The following CGRRF1 variants were observed in gnomAD, a reference collection of about 807,000 sequenced individuals.
The protein encoded by CGRRF1 is cell growth regulator with RING finger domain protein 1.
CGRRF1 carries 32 observed loss-of-function variants against 37.2 expected under a neutral mutation model. That is an observed-to-expected ratio of 0.86 (90% confidence interval 0.65 to 1.16). CGRRF1 has a LOEUF of 1.16. Among genes scored for constraint, CGRRF1 ranks in the 50% most tolerant of loss-of-function variants. CGRRF1 has a pLI of 0.00. For missense variants in CGRRF1, 391 were observed against 382.6 expected (o/e 1.02, Z -0.18); for synonymous variants, 141 against 140.3 (o/e 1.00, Z -0.04).
At position 54,512,109 on chromosome 14, in the gene CGRRF1, C is replaced by T. The variant is rs112447941; in HGVS notation, c.104+2046C>T. Among the ~76,000 whole-genome samples, 372 of 152,286 alleles carry T rather than the reference C, an allele frequency of 2.4e-3. 1 individual carries two copies. Among genetic ancestry groups the T allele is most frequent in the African/African-American group, 6.1e-3 (253 of 41,560 alleles). On this transcript the variant is annotated intron_variant, in intron 1 of 5. Transcript: ENST00000216420. ...AGTCAGAAGGGTAAACTAGTTAATACGCATGTTTTTCACCCTTGTCATTGT... is the reference window on the plus strand; with the variant it reads ...AGTCAGAAGGGTAAACTAGTTAATATGCATGTTTTTCACCCTTGTCATTGT...
chr14:54,511,929 C>T (rs972807395), intron 1 of CGRRF1, among the ~76,000 whole-genome samples: 2 of 152,198 alleles, frequency 1.3e-5, no homozygotes, highest in African/African-American at 4.8e-5. Flanking sequence ...CCATTCTCTC[C>T]ATCCGAGTTA....
At chr14:54,529,938 C>T (rs1303189926) in intron 2 of CGRRF1, 111 bp from the exon 3 acceptor site, 5 of 765,658 alleles carry the variant, frequency 6.5e-6, no homozygotes, top group Non-Finnish European at 1.0e-5. Context: ...GTTCTTTTAA[C>T]TGCCATCATC....
chr14:54,538,162 TC>T lies in CGRRF1; in HGVS notation c.779del (p.Ser260LeufsTer23). ...DRSLLEKVGL[S>X]ESEVEPSEEN... ...AAGTTTGTTGGAAAAGGTGGGACTC[TC>T]TGAAAGTGAAGTTGAGCCATCGGAA... On this transcript the variant is annotated frameshift_variant, in exon 6 of 6. Coordinates refer to ENST00000216420, the MANE Select transcript of CGRRF1 (RefSeq NM_006568.3). LOFTEE classifies it high-confidence loss of function. 6.2e-7 allele frequency: 1 copy of T among 1,614,190 alleles called. No individual in the cohort carries two copies. The highest frequency in any genetic ancestry group is 1.1e-5 in the South Asian group (1 of 91,080).
intron 4 of CGRRF1, 91 bp from the exon 5 acceptor site, chr14:54,537,631 G>A: frequency 8.1e-7 from 1 of 1,229,796 alleles, no homozygotes; most frequent in Non-Finnish European, 1.0e-6. Flanking sequence ...GCAGAAGACA[G>A]TGTCTAGAAG....
intron 1 of CGRRF1, among the ~76,000 whole-genome samples, chr14:54,520,565 T>C (rs2032299270): frequency 6.6e-6 from 1 of 152,250 alleles, no homozygotes; most frequent in South Asian, 2.1e-4. Context: ...GTCCTACTCC[T>C]GTACTTCCGG....
chr14:54,526,910 CAAG>C (rs1053089545), intron 2 of CGRRF1, among the ~76,000 whole-genome samples: 4 of 152,178 alleles, frequency 2.6e-5, no homozygotes, highest in African/African-American at 9.6e-5. Flanking sequence ...GATCCTTCCT[CAAG>C]AAGGTTTGTG....
chr14:54,520,259 C>A (rs959910269), intron 1 of CGRRF1, among the ~76,000 whole-genome samples: 2 of 152,048 alleles, frequency 1.3e-5, no homozygotes, highest in African/African-American at 4.8e-5. Flanking sequence ...CAGGCGCCCA[C>A]CACCACGCCT....
In CGRRF1 at chr14:54,530,041, T is replaced by C. The variant is rs2032482117; in HGVS notation, c.245-8T>C. ...TCACTTTCATTCTTTCTCCTTTGTT[T>C]TTTACAGCTGGCATAACCTTGACAA... On this transcript the variant is annotated splice_polypyrimidine_tract_variant and splice_region_variant and intron_variant, in intron 2 of 5. Coordinates refer to ENST00000216420, the MANE Select transcript of CGRRF1 (RefSeq NM_006568.3). 5 of 1,597,930 alleles carry C rather than the reference T, an allele frequency of 3.1e-6. No individual in the cohort carries two copies. In the South Asian group the frequency reaches 5.5e-5, roughly 18 times the overall value.
rs577773314 is a variant in CGRRF1 at position 54,537,710 on chromosome 14, T to C, written c.571-12T>C. On this transcript the variant is annotated splice_polypyrimidine_tract_variant and intron_variant, in intron 4 of 5. Transcript: ENST00000216420. ...ATTTTAAGTACTGACCAGTGTTCAA[T>C]TTTTATTTTAGATTTCCATGGTGTC... is the stretch of plus-strand genomic sequence containing the variant. 279 of 1,544,904 alleles carry C rather than the reference T, an allele frequency of 1.8e-4. 2 individuals carry two copies. The highest frequency in any genetic ancestry group is 3.0e-4 in the East Asian group (13 of 42,698).
intron 2 of CGRRF1, among the ~76,000 whole-genome samples, chr14:54,526,640 C>T (rs751580466): frequency 3.3e-5 from 5 of 152,066 alleles, no homozygotes; most frequent in Non-Finnish European, 5.9e-5. Flanking sequence ...GTTAGATACT[C>T]AGTGTATATA....
intron 1 of CGRRF1, 96 bp downstream of exon 1, chr14:54,510,159 C>T: frequency 4.7e-6 from 4 of 848,740 alleles, no homozygotes; most frequent in Non-Finnish European, 7.7e-6. Context: ...GGCCGCGGGC[C>T]GGAGGACGTC....
At chr14:54,517,797 C>G (rs2032242692) in intron 1 of CGRRF1, among the ~76,000 whole-genome samples, 1 of 152,136 alleles carries the variant, frequency 6.6e-6, no homozygotes, top group Non-Finnish European at 1.5e-5. Context: ...CTGATGGGCC[C>G]CAGTCTGTGT....
chr14:54,528,251 C>T (rs899346449), intron 2 of CGRRF1, among the ~76,000 whole-genome samples: 6 of 138,208 alleles, frequency 4.3e-5, no homozygotes, highest in Admixed American at 2.4e-4. Context: ...CTCACTGTGT[C>T]AGCCAGGTTG....
At chr14:54,521,223 G>A (rs1018512213) in intron 1 of CGRRF1, among the ~76,000 whole-genome samples, 61 of 152,190 alleles carry the variant, frequency 4.0e-4, no homozygotes, top group African/African-American at 1.4e-3. Flanking sequence ...CACTTTGGGA[G>A]GCTGAGGTGG....
chr14:54,531,186 T>A, intron 4 of CGRRF1, 136 bp downstream of exon 4: 1 of 676,360 alleles, frequency 1.5e-6, no homozygotes, highest in East Asian at 2.8e-5. Flanking sequence ...TATACCTATT[T>A]GGTTTTTATA....
chr14:54,532,984 C>A (rs1194538574), intron 4 of CGRRF1, among the ~76,000 whole-genome samples: 1 of 151,974 alleles, frequency 6.6e-6, no homozygotes, highest in Admixed American at 6.6e-5. Context: ...TTCTGTTCTC[C>A]TTTTTCCTTT....
chr14:54,519,218 T>A lies in CGRRF1; in HGVS notation c.105-3236T>A, dbSNP rs532055633. Among the ~76,000 whole-genome samples, 15 of 151,916 alleles carry A rather than the reference T, an allele frequency of 9.9e-5. No individual in the cohort carries two copies. In the South Asian group the frequency reaches 3.1e-3, roughly 32 times the overall value. On this transcript the variant is annotated intron_variant, in intron 1 of 5. Coordinates refer to ENST00000216420, the MANE Select transcript of CGRRF1 (RefSeq NM_006568.3). ...ACCTTGGCCTCCCAAAATGTTGGGA[T>A]CACAGGCGTGAGCTACTGTGCCTGG...
At position 54,510,131 on chromosome 14, in the gene CGRRF1, G is replaced by A. The variant is rs377019057; in HGVS notation, c.104+68G>A. Reference sequence around the variant, plus strand: ...AGAGTGGGGTCGCGACGAGCAGCAGGGGGCACCGGAGCCGGAGGGCCGCGG... The same window carrying A: ...AGAGTGGGGTCGCGACGAGCAGCAGAGGGCACCGGAGCCGGAGGGCCGCGG... On this transcript the variant is annotated intron_variant, in intron 1 of 5. Coordinates refer to ENST00000216420, the MANE Select transcript of CGRRF1 (RefSeq NM_006568.3). 2.1e-5 allele frequency: 26 copies of A among 1,237,784 alleles called. 2 individuals carry two copies. In the African/African-American group the frequency reaches 2.7e-4, roughly 13 times the overall value. 76.7% of individuals were successfully genotyped at this position (1,237,784 alleles called of 1,614,324 possible). A position where few individuals can be genotyped will look rare whatever the true frequency, so the allele number is the denominator to read the frequency against.
chr14:54,514,000 C>G (rs955590423), intron 1 of CGRRF1, among the ~76,000 whole-genome samples: 5 of 152,164 alleles, frequency 3.3e-5, no homozygotes, highest in Admixed American at 2.6e-4. Flanking sequence ...ACTCCAGTCA[C>G]TCTGAGCCTC....
Sources: gnomAD v4.1 joint callset for allele counts (sites outside exome capture counted in the v4.1 genomes callset) on GRCh38, gnomAD v4.1.1 for gene constraint, MANE v1.5 for transcripts, NCBI Gene and HGNC (gene_info 2026-07-23, HGNC 2026-07-21) for gene names.